Variants in CSMD1 observed in about 807,000 individuals in gnomAD.
CSMD1 encodes the protein CUB and Sushi multiple domains 1.
In CSMD1, 213 loss-of-function variants were observed where a neutral mutation model predicts 417.5. The observed-to-expected ratio is 0.51, with a 90% confidence interval of 0.46 to 0.57. The LOEUF (loss-of-function observed/expected upper bound fraction) is 0.57, where lower values mean the gene tolerates loss of function less well. Among genes scored for constraint, CSMD1 ranks in the 20% least tolerant of loss-of-function variants. CSMD1 has a pLI of 0.00. For synonymous variants in CSMD1, 2,862 were observed against 1,736.8 expected (o/e 1.65, Z -16.11); for missense variants, 6,923 against 4,529.7 (o/e 1.53, Z -15.17).
chr8:4,834,053 T>C (rs146200261), intron 1 of CSMD1, among the ~76,000 whole-genome samples: 1 of 152,296 alleles, frequency 6.6e-6, no homozygotes, highest in African/African-American at 2.4e-5. Flanking sequence ...GTGCCACCAT[T>C]AGCAATGTAA....
chr8:4,359,178 C>G (rs982896313), intron 3 of CSMD1, among the ~76,000 whole-genome samples: 1 of 152,114 alleles, frequency 6.6e-6, no homozygotes, highest in Non-Finnish European at 1.5e-5. Flanking sequence ...TGGTTATCAG[C>G]AATTTCACAA....
intron 57 of CSMD1, among the ~76,000 whole-genome samples, chr8:2,967,385 C>A (rs1804058773): frequency 6.6e-6 from 1 of 152,190 alleles, no homozygotes; most frequent in Admixed American, 6.5e-5. Flanking sequence ...GCTCCTAATG[C>A]CATGTACAGG....
chr8:3,346,210 T>A (rs901249728), intron 22 of CSMD1, among the ~76,000 whole-genome samples: 13 of 152,116 alleles, frequency 8.5e-5, no homozygotes, highest in African/African-American at 2.2e-4. Context: ...CACGTTTTTT[T>A]AAAAACAACT....
At chr8:3,684,916 CG>C (rs1317151536) in intron 7 of CSMD1, among the ~76,000 whole-genome samples, 1 of 151,940 alleles carries the variant, frequency 6.6e-6, no homozygotes, top group Non-Finnish European at 1.5e-5. Context: ...GTAATGATGC[CG>C]GGAAGCACTT....
intron 3 of CSMD1, among the ~76,000 whole-genome samples, chr8:4,118,017 A>C (rs994713415): frequency 3.9e-5 from 6 of 152,104 alleles, no homozygotes; most frequent in African/African-American, 1.4e-4. Context: ...AGGTAAAAAA[A>C]AGTTTTTCTC....
chr8:4,431,019 A>C (rs891084817), intron 2 of CSMD1, among the ~76,000 whole-genome samples: 1 of 152,154 alleles, frequency 6.6e-6, no homozygotes, highest in African/African-American at 2.4e-5. Context: ...AAGACTTCGC[A>C]TAAGACCTGT....
At chr8:4,602,954 A>T (rs1234123600) in intron 2 of CSMD1, among the ~76,000 whole-genome samples, 1 of 152,002 alleles carries the variant, frequency 6.6e-6, no homozygotes, top group Non-Finnish European at 1.5e-5. Flanking sequence ...AAAAATAGAT[A>T]AAAAAGAAGA....
chr8:4,708,562 A>G (rs1808093641), intron 1 of CSMD1, among the ~76,000 whole-genome samples: 1 of 152,202 alleles, frequency 6.6e-6, no homozygotes, highest in South Asian at 2.1e-4. Flanking sequence ...TTGCCAGGTA[A>G]TATTGTATCT....
intron 3 of CSMD1, among the ~76,000 whole-genome samples, chr8:4,115,560 T>C (rs1358803106): frequency 1.3e-5 from 2 of 152,202 alleles, no homozygotes; most frequent in Non-Finnish European, 2.9e-5. Context: ...TAATTTATTA[T>C]TTGGCTAATA....
chr8:3,412,089 CACACGT>C (rs1812835285), intron 12 of CSMD1, among the ~76,000 whole-genome samples: 5 of 112,420 alleles, frequency 4.4e-5, no homozygotes, highest in South Asian at 2.7e-4. Context: ...CATATATATA[CACACGT>C]ATATATACAT....
chr8:4,563,088 T>A (rs779031735), intron 2 of CSMD1, among the ~76,000 whole-genome samples: 2 of 152,044 alleles, frequency 1.3e-5, no homozygotes, highest in African/African-American at 2.4e-5. Context: ...TGAATCTGGG[T>A]TTCTGGAATC....
intron 1 of CSMD1, 127 bp from the exon 2 acceptor site, chr8:4,637,685 A>G: frequency 2.2e-6 from 1 of 457,162 alleles, no homozygotes; most frequent in Admixed American, 4.7e-5. Flanking sequence ...TTTTTTTGAG[A>G]CGGAGTCTCG....
intron 2 of CSMD1, among the ~76,000 whole-genome samples, chr8:4,423,397 G>C (rs1185325003): frequency 6.6e-6 from 1 of 152,014 alleles, no homozygotes; most frequent in Admixed American, 6.6e-5. Flanking sequence ...AAAATCTATT[G>C]TAGTTCTACA....
intron 3 of CSMD1, among the ~76,000 whole-genome samples, chr8:4,332,502 C>A (rs1353314483): frequency 6.6e-6 from 1 of 150,684 alleles, no homozygotes; most frequent in Non-Finnish European, 1.5e-5. Context: ...AGCTCTTCTT[C>A]TGGTTTTTGC....
intron 27 of CSMD1, among the ~76,000 whole-genome samples, chr8:3,227,226 C>A (rs2116889470): frequency 6.6e-6 from 1 of 151,950 alleles, no homozygotes; most frequent in East Asian, 1.9e-4. Context: ...TAGTGAAAAC[C>A]CATCTCTACT....
chr8:4,487,000 C>G (rs1266930138), intron 2 of CSMD1, among the ~76,000 whole-genome samples: 1 of 152,128 alleles, frequency 6.6e-6, no homozygotes, highest in Non-Finnish European at 1.5e-5. Context: ...CCTTCCACAT[C>G]GAGGTGCTGA....
At chr8:4,376,015 G>T (rs1802710304) in intron 3 of CSMD1, among the ~76,000 whole-genome samples, 1 of 152,086 alleles carries the variant, frequency 6.6e-6, no homozygotes, top group South Asian at 2.1e-4. Context: ...GATTGTCTAT[G>T]GTGGAAAATG....
intron 7 of CSMD1, among the ~76,000 whole-genome samples, chr8:3,657,782 C>T (rs1266616346): frequency 2.0e-5 from 3 of 152,044 alleles, no homozygotes; most frequent in Non-Finnish European, 2.9e-5. Context: ...CACCATGGCA[C>T]GTGTATAACT....
chr8:4,766,274 A>G (rs750621718), intron 1 of CSMD1, among the ~76,000 whole-genome samples: 2 of 152,174 alleles, frequency 1.3e-5, no homozygotes, highest in Non-Finnish European at 2.9e-5. Context: ...TGTCGTGACT[A>G]TCTTACCTGC....
Sources: gnomAD v4.1 joint callset for allele counts (sites outside exome capture counted in the v4.1 genomes callset) on GRCh38, gnomAD v4.1.1 for gene constraint, MANE v1.5 for transcripts, NCBI Gene and HGNC (gene_info 2026-07-23, HGNC 2026-07-21) for gene names.